The following RAB11FIP3 variants were observed in gnomAD, a reference collection of about 807,000 sequenced individuals.
RAB11FIP3 encodes the protein RAB11 family interacting protein 3.
A neutral mutation model predicts 77.8 loss-of-function variants in RAB11FIP3; 17 were observed. The ratio of observed to expected loss-of-function variants is 0.22; its 90% CI spans 0.15 to 0.33. RAB11FIP3 has a LOEUF of 0.33. Ranked by LOEUF, RAB11FIP3 falls within the 10% of genes least tolerant of loss-of-function variation. RAB11FIP3 has a pLI of 1.00. For synonymous variants in RAB11FIP3, 437 were observed against 448.2 expected, an observed-to-expected ratio of 0.98 and a Z score of 0.31; for missense variants, 1,005 against 1,011.2, an observed-to-expected ratio of 0.99 and a Z score of 0.08.
At chr16:438,403 GC>G (rs1173886767) in intron 1 of RAB11FIP3, among the ~76,000 whole-genome samples, 3 of 140,086 alleles carry the variant, frequency 2.1e-5, no homozygotes, top group Non-Finnish European at 4.6e-5. Context: ...GCTGCGTCCG[GC>G]TTTTTTTTTT....
chr16:462,182 C>A (rs555065757), intron 2 of RAB11FIP3, among the ~76,000 whole-genome samples: 6 of 152,348 alleles, frequency 3.9e-5, no homozygotes, highest in African/African-American at 1.4e-4. Context: ...CCTGCTGGCA[C>A]CATTGCTGAT....
chr16:489,086 G>C (rs2029941339), intron 5 of RAB11FIP3, 86 bp downstream of exon 5: 1 of 1,341,064 alleles, frequency 7.5e-7, no homozygotes, highest in Non-Finnish European at 9.8e-7. Context: ...TTCGTGCATT[G>C]GTGAGAGAAC....
chr16:488,413 TA>T (rs147683815), intron 4 of RAB11FIP3, among the ~76,000 whole-genome samples: 171 of 122,700 alleles, frequency 1.4e-3, no homozygotes, highest in African/African-American at 2.7e-3. Flanking sequence ...TTTATTTATT[TA>T]TTTTTTTTTT....
chr16:500,095 T>A (rs555496295), intron 6 of RAB11FIP3, among the ~76,000 whole-genome samples: 1 of 152,338 alleles, frequency 6.6e-6, no homozygotes, highest in Non-Finnish European at 1.5e-5. Flanking sequence ...CCTTGTTCTG[T>A]CCCTGTCCAT....
At position 476,215 on chromosome 16, in the gene RAB11FIP3, G is replaced by A. The variant is rs373086684; in HGVS notation, c.903+4826G>A. ...TCCAGAGCGGAGCGTGTGAGTTCCAGGCTTGGCAGGGTGCCCTGGCATCCA... is the reference window on the plus strand; with the variant it reads ...TCCAGAGCGGAGCGTGTGAGTTCCAAGCTTGGCAGGGTGCCCTGGCATCCA... On this transcript the variant is annotated intron_variant, in intron 3 of 13. Coordinates refer to ENST00000262305, the MANE Select transcript of RAB11FIP3 (RefSeq NM_014700.4). 1.2e-4 allele frequency among the ~76,000 whole-genome samples: 19 copies of A among 152,334 alleles called. No homozygotes were observed. The South Asian group carries it at 3.7e-3, about 30-fold the overall frequency.
At chr16:438,485 A>G (rs2055169013) in intron 1 of RAB11FIP3, among the ~76,000 whole-genome samples, 1 of 145,100 alleles carries the variant, frequency 6.9e-6, no homozygotes. Flanking sequence ...AGCTCACTGC[A>G]ACCTCCGCTT....
Position 514,609 on chromosome 16 carries a change from C to T in RAB11FIP3, c.1640+3809C>T, listed in dbSNP as rs2032322471. On this transcript the variant is annotated intron_variant, in intron 9 of 13. Transcript: ENST00000262305. This position sits in a 1 kb window ranked among gnomAD's most constrained non-coding sequence, Gnocchi z 4.6. ...GGGACCGGGAAAGGAGAATATGTGTCATCAGCAGAATGGGGCTGTACGAAG... is the reference window on the plus strand; with the variant it reads ...GGGACCGGGAAAGGAGAATATGTGTTATCAGCAGAATGGGGCTGTACGAAG... Among the ~76,000 whole-genome samples the T allele has an allele frequency of 6.6e-6, 1 of 152,152 alleles. No individual in the cohort carries two copies. Among genetic ancestry groups the T allele is most frequent in the African/African-American group, 2.4e-5 (1 of 41,438 alleles).
chr16:496,481 G>A (rs2031139701), intron 5 of RAB11FIP3, among the ~76,000 whole-genome samples: 1 of 152,244 alleles, frequency 6.6e-6, no homozygotes, highest in African/African-American at 2.4e-5. Flanking sequence ...CGAAGGCCAA[G>A]CGTTTGGGGG....
intron 9 of RAB11FIP3, among the ~76,000 whole-genome samples, chr16:516,197 C>A (rs764068766): frequency 6.6e-6 from 1 of 152,192 alleles, no homozygotes; most frequent in African/African-American, 2.4e-5. Context: ...CCCGCCCAGC[C>A]CTGTGCTGCC....
Position 521,113 on chromosome 16 carries a change from G to C in RAB11FIP3, c.*274G>C. On this transcript the variant is annotated 3_prime_UTR_variant, in exon 14 of 14. Coordinates refer to ENST00000262305, the MANE Select transcript of RAB11FIP3 (RefSeq NM_014700.4). The stretch of plus-strand genomic sequence containing the variant: ...GGCCGTCCATCAGCGCTGACCTTCC[G>C]GGGGCCCAGAGCTTCCCAGCCCTGA... 1.9e-6 allele frequency: 1 copy of C among 523,082 alleles called. No individual in the cohort carries two copies. The highest frequency in any genetic ancestry group is 3.5e-6 in the Non-Finnish European group (1 of 289,206). 32.4% of individuals were successfully genotyped at this position (523,082 alleles called of 1,614,324 possible).
chr16:475,572 T>C (rs953032946), intron 3 of RAB11FIP3, among the ~76,000 whole-genome samples: 7 of 152,134 alleles, frequency 4.6e-5, no homozygotes, highest in African/African-American at 1.7e-4. Flanking sequence ...AGGGAGGCCT[T>C]GAACTGCAGA....
At chr16:464,250 T>C (rs2055665572) in intron 2 of RAB11FIP3, among the ~76,000 whole-genome samples, 1 of 152,188 alleles carries the variant, frequency 6.6e-6, no homozygotes, top group African/African-American at 2.4e-5. Context: ...ACCAGCAGGT[T>C]GAGGCTGATG....
chr16:489,084 T>C lies in RAB11FIP3; in HGVS notation c.1265+84T>C, dbSNP rs1342199466. 3 of 1,394,976 alleles carry C rather than the reference T, an allele frequency of 2.2e-6. No individual in the cohort carries two copies. In the East Asian group the frequency reaches 7.5e-5, roughly 35 times the overall value. 86.4% of individuals were successfully genotyped at this position (1,394,976 alleles called of 1,614,324 possible). A position where few individuals can be genotyped will look rare whatever the true frequency, so the allele number is the denominator to read the frequency against. On this transcript the variant is annotated intron_variant, in intron 5 of 13. Transcript: ENST00000262305. Reference sequence around the variant, plus strand: ...GAAGTTTCCCTTTTTGGTTCGTGCATTGGTGAGAGAACTTGCTTTCCTTGA... The same window carrying C: ...GAAGTTTCCCTTTTTGGTTCGTGCACTGGTGAGAGAACTTGCTTTCCTTGA...
chr16:494,381 G>A (rs531250049), intron 5 of RAB11FIP3, among the ~76,000 whole-genome samples: 1 of 151,732 alleles, frequency 6.6e-6, no homozygotes, highest in African/African-American at 2.4e-5. Context: ...CCAGCACTTT[G>A]CGAGGCTGAG....
chr16:427,037 A>AC (rs1214041952), intron 1 of RAB11FIP3, among the ~76,000 whole-genome samples: 5 of 149,952 alleles, frequency 3.3e-5, no homozygotes, highest in East Asian at 4.0e-4. Flanking sequence ...CCTGATCGCC[A>AC]CCCCCCCAGG....
chr16:516,092 T>C (rs1312373788), intron 9 of RAB11FIP3, among the ~76,000 whole-genome samples: 5 of 152,216 alleles, frequency 3.3e-5, no homozygotes, highest in Admixed American at 2.0e-4. Flanking sequence ...CGGTGCTCTT[T>C]GGAAGGGGTT....
At chr16:498,229 C>T (rs1354907888) in intron 6 of RAB11FIP3, among the ~76,000 whole-genome samples, 9 of 152,234 alleles carry the variant, frequency 5.9e-5, no homozygotes, top group East Asian at 1.9e-4. Context: ...GCTGAAGTAC[C>T]GTGGTGCAAT....
intron 1 of RAB11FIP3, among the ~76,000 whole-genome samples, chr16:434,945 C>A (rs1213150830): frequency 6.6e-6 from 1 of 152,136 alleles, no homozygotes; most frequent in African/African-American, 2.4e-5. Context: ...GTGGCTCACG[C>A]CTGTAATCCC....
At chr16:474,450 G>C (rs992766092) in intron 3 of RAB11FIP3, among the ~76,000 whole-genome samples, 2 of 152,152 alleles carry the variant, frequency 1.3e-5, no homozygotes, top group African/African-American at 4.8e-5. Context: ...AGTAAGTGGG[G>C]AGAGTAGAAG....
Sources: gnomAD v4.1 joint callset for allele counts (sites outside exome capture counted in the v4.1 genomes callset) on GRCh38, gnomAD v4.1.1 for gene constraint, Gnocchi (gnomAD v3.1) non-coding constraint, MANE v1.5 for transcripts, NCBI Gene and HGNC (gene_info 2026-07-23, HGNC 2026-07-21) for gene names.